Variants in AGBL4 observed in about 807,000 individuals in gnomAD.
AGBL4 encodes the protein AGBL carboxypeptidase 4.
AGBL4 carries 58 observed loss-of-function variants against 66.4 expected under a neutral mutation model. The observed-to-expected ratio is 0.87, with a 90% CI of 0.71 to 1.09. The LOEUF is 1.09. Ranked by LOEUF, AGBL4 falls within the 50% of genes least tolerant of loss-of-function variation. The pLI is 0.00. For synonymous variants in AGBL4, 234 were observed against 222.9 expected (o/e 1.05, Z -0.44); for missense variants, 579 against 631.0 (o/e 0.92, Z 0.88).
At chr1:49,323,489 G>T (rs558052534) in intron 3 of AGBL4, among the ~76,000 whole-genome samples, 2 of 143,206 alleles carry the variant, frequency 1.4e-5, no homozygotes, top group South Asian at 4.4e-4. Flanking sequence ...TAGAGACGAG[G>T]TTTCACCATG....
intron 9 of AGBL4, among the ~76,000 whole-genome samples, chr1:48,615,390 C>T (rs1470552717): frequency 6.6e-6 from 1 of 152,106 alleles, no homozygotes; most frequent in Non-Finnish European, 1.5e-5. Flanking sequence ...AGGAGATAGC[C>T]TCCTCCCCAT....
intron 3 of AGBL4, among the ~76,000 whole-genome samples, chr1:49,594,480 C>T (rs982818727): frequency 6.6e-6 from 1 of 152,080 alleles, no homozygotes; most frequent in African/African-American, 2.4e-5. Flanking sequence ...GCCCCACATG[C>T]ATTACATATT....
At chr1:48,971,528 TTAAA>T (rs1383201510) in intron 5 of AGBL4, among the ~76,000 whole-genome samples, 12 of 152,300 alleles carry the variant, frequency 7.9e-5, no homozygotes, top group Non-Finnish European at 1.5e-4. Flanking sequence ...GACGGTTGAC[TTAAA>T]TAAGTCAGAT....
chr1:49,365,839 C>T (rs1644231642), intron 3 of AGBL4, among the ~76,000 whole-genome samples: 1 of 152,122 alleles, frequency 6.6e-6, no homozygotes, highest in Admixed American at 6.6e-5. Context: ...TGAATCCTAG[C>T]TCTGTTACTT....
At chr1:48,985,254 T>C (rs1660091046) in intron 5 of AGBL4, among the ~76,000 whole-genome samples, 1 of 152,102 alleles carries the variant, frequency 6.6e-6, no homozygotes, top group Admixed American at 6.6e-5. Flanking sequence ...GAGGCTGATA[T>C]ACTCCCTGAG....
intron 3 of AGBL4, among the ~76,000 whole-genome samples, chr1:49,497,954 T>C (rs1193720886): frequency 2.0e-5 from 3 of 152,196 alleles, no homozygotes; most frequent in African/African-American, 7.2e-5. Context: ...AATCTGCTTT[T>C]CATCTGGGGT....
intron 5 of AGBL4, among the ~76,000 whole-genome samples, chr1:48,940,161 C>T (rs574239560): frequency 3.4e-4 from 51 of 152,232 alleles, no homozygotes; most frequent in Admixed American, 1.9e-3. Flanking sequence ...GGGCAGATCA[C>T]GAGGTCAGGA....
At chr1:49,587,384 C>A (rs1285268299) in intron 3 of AGBL4, among the ~76,000 whole-genome samples, 21 of 152,234 alleles carry the variant, frequency 1.4e-4, no homozygotes, top group Non-Finnish European at 1.5e-4. Context: ...AGTCCAGGGG[C>A]CCCTCCTCTG....
chr1:49,706,843 G>A (rs1329967899), intron 2 of AGBL4, among the ~76,000 whole-genome samples: 1 of 152,162 alleles, frequency 6.6e-6, no homozygotes, highest in Admixed American at 6.5e-5. Context: ...TTTCCATGTA[G>A]TTGTATGGTT....
intron 3 of AGBL4, among the ~76,000 whole-genome samples, chr1:49,338,134 A>T (rs1041645687): frequency 6.6e-5 from 10 of 152,196 alleles, no homozygotes. Flanking sequence ...AGCTTAGAGG[A>T]GTAATGGAGA....
intron 5 of AGBL4, among the ~76,000 whole-genome samples, chr1:49,023,007 A>G (rs1481560781): frequency 4.6e-5 from 7 of 152,340 alleles, no homozygotes; most frequent in African/African-American, 1.7e-4. Context: ...CTTCTTAAAT[A>G]AAAGCCCTTG....
chr1:49,876,183 T>C (rs1367010425), intron 1 of AGBL4, among the ~76,000 whole-genome samples: 5 of 144,354 alleles, frequency 3.5e-5, no homozygotes, highest in African/African-American at 1.3e-4. Flanking sequence ...TTGTCAATTT[T>C]GGCTTTGGTT....
chr1:49,428,608 C>A (rs1319626878), intron 3 of AGBL4, among the ~76,000 whole-genome samples: 1 of 152,200 alleles, frequency 6.6e-6, no homozygotes, highest in Admixed American at 6.5e-5. Flanking sequence ...CATCCAGATC[C>A]TTCTCAATTC....
intron 2 of AGBL4, among the ~76,000 whole-genome samples, chr1:49,785,069 T>G (rs1644419794): frequency 6.6e-6 from 1 of 152,044 alleles, no homozygotes; most frequent in Admixed American, 6.6e-5. Flanking sequence ...AAGTGGCAAC[T>G]TAATAAACCA....
chr1:48,691,392 G>A (rs1570266622), intron 6 of AGBL4, among the ~76,000 whole-genome samples: 1 of 152,006 alleles, frequency 6.6e-6, no homozygotes, highest in Non-Finnish European at 1.5e-5. Flanking sequence ...GCTGTGTATT[G>A]GACAGCATAG....
intron 5 of AGBL4, among the ~76,000 whole-genome samples, chr1:49,007,635 G>C (rs1003999075): frequency 2.0e-5 from 3 of 151,870 alleles, no homozygotes; most frequent in African/African-American, 4.8e-5. Context: ...GAGAAAGGTC[G>C]GGTTACCCTC....
At chr1:49,734,828 TA>T (rs1649735658) in intron 2 of AGBL4, among the ~76,000 whole-genome samples, 1 of 151,914 alleles carries the variant, frequency 6.6e-6, no homozygotes, top group Non-Finnish European at 1.5e-5. Flanking sequence ...TTAAAAATAA[TA>T]ATAATCATGG....
At chr1:49,459,193 T>C (rs1646456864) in intron 3 of AGBL4, among the ~76,000 whole-genome samples, 1 of 151,768 alleles carries the variant, frequency 6.6e-6, no homozygotes, top group African/African-American at 2.4e-5. Flanking sequence ...AATTCTTATT[T>C]GAATGTCTGA....
intron 1 of AGBL4, among the ~76,000 whole-genome samples, chr1:49,966,339 T>C (rs1353780853): frequency 1.3e-5 from 2 of 152,214 alleles, no homozygotes; most frequent in East Asian, 3.9e-4. Flanking sequence ...TGACATAAAA[T>C]TGTATCCTGT....
Sources: allele counts gnomAD v4.1 joint callset (sites outside exome capture counted in the v4.1 genomes callset), GRCh38; gene constraint gnomAD v4.1.1; transcripts MANE v1.5; gene names NCBI Gene and HGNC (gene_info 2026-07-23, HGNC 2026-07-21).